Variants in ALDH1A1 observed in about 807,000 individuals in gnomAD.
ALDH1A1 encodes the protein aldehyde dehydrogenase 1 family member A1, also known as aldehyde dehydrogenase 1A1.
In ALDH1A1, 19 loss-of-function variants were observed where a neutral mutation model predicts 62.1. That is an observed-to-expected ratio of 0.31 (90% CI 0.21 to 0.45). The LOEUF (loss-of-function observed/expected upper bound fraction) is 0.45. ALDH1A1 is among the 20% of genes least tolerant of loss of function. The pLI, the probability that ALDH1A1 is intolerant of heterozygous loss-of-function variation, is 1.00. For synonymous variants in ALDH1A1, 231 were observed against 215.9 expected, an observed-to-expected ratio of 1.07 and a Z score of -0.61; for missense variants, 521 against 607.1, an observed-to-expected ratio of 0.86 and a Z score of 1.49.
chr9:72,946,863 T>C (rs1830481993), intron 1 of ALDH1A1, among the ~76,000 whole-genome samples: 1 of 152,088 alleles, frequency 6.6e-6, no homozygotes, highest in Non-Finnish European at 1.5e-5. Context: ...CTATAGATTA[T>C]CCATGCCATT....
intron 3 of ALDH1A1, 60 bp from the exon 4 acceptor site, chr9:72,929,081 AG>A: frequency 6.5e-7 from 1 of 1,549,384 alleles, no homozygotes; most frequent in South Asian, 1.2e-5. Context: ...AAAAATATGT[AG>A]TAAATATTTT....
chr9:72,951,221 AC>A (rs1389029712), intron 1 of ALDH1A1, among the ~76,000 whole-genome samples: 2 of 151,882 alleles, frequency 1.3e-5, no homozygotes, highest in African/African-American at 4.8e-5. Flanking sequence ...TTGCACAGTG[AC>A]TTCGAAGTGA....
intron 11 of ALDH1A1, among the ~76,000 whole-genome samples, chr9:72,908,559 G>GA (rs1191460937): frequency 4.1e-3 from 35 of 8,632 alleles, no homozygotes; most frequent in Middle Eastern, 0.05. Flanking sequence ...AAAGAAGAAA[G>GA]AAAGAAAGAA....
At chr9:72,915,555 G>A (rs1378343648) in intron 9 of ALDH1A1, among the ~76,000 whole-genome samples, 3 of 152,000 alleles carry the variant, frequency 2.0e-5, no homozygotes, top group African/African-American at 7.2e-5. Flanking sequence ...ATGAAAAAAA[G>A]GGCAACTACT....
intron 2 of ALDH1A1, among the ~76,000 whole-genome samples, chr9:72,934,095 A>AT (rs1830318887): frequency 6.6e-6 from 1 of 151,996 alleles, no homozygotes; most frequent in Non-Finnish European, 1.5e-5. Flanking sequence ...CGTCTGCCTA[A>AT]TTTTTTTGTA....
chr9:72,913,330 G>A (rs547396811), intron 9 of ALDH1A1, among the ~76,000 whole-genome samples: 1 of 152,062 alleles, frequency 6.6e-6, no homozygotes, highest in South Asian at 2.1e-4. Context: ...TATCCCAGAA[G>A]GAAAATATTC....
intron 1 of ALDH1A1, among the ~76,000 whole-genome samples, chr9:72,944,918 T>C (rs1052487471): frequency 1.3e-5 from 2 of 152,068 alleles, no homozygotes; most frequent in African/African-American, 2.4e-5. Flanking sequence ...ACTTTCTATA[T>C]GGGGAAGCAA....
At chr9:72,930,017 C>T (rs1195429251) in intron 3 of ALDH1A1, among the ~76,000 whole-genome samples, 1 of 152,074 alleles carries the variant, frequency 6.6e-6, no homozygotes, top group Non-Finnish European at 1.5e-5. Context: ...ATAAATGGTC[C>T]TTTGATTAAC....
At chr9:72,927,201 C>A in intron 4 of ALDH1A1, 24 bp from the exon 5 acceptor site, 1 of 1,511,946 alleles carries the variant, frequency 6.6e-7, no homozygotes, top group Non-Finnish European at 9.1e-7. Context: ...CACACACAAT[C>A]ATATATAAAC....
At chr9:72,949,774 A>G (rs186523718) in intron 1 of ALDH1A1, among the ~76,000 whole-genome samples, 44 of 151,540 alleles carry the variant, frequency 2.9e-4, no homozygotes, top group African/African-American at 1.0e-3. Flanking sequence ...AATTAAGTTA[A>G]ACATTTTGGC....
rs1483282461 is a variant in ALDH1A1, at chr9:72,930,863, C to G, written c.312+16G>C. 3 of 1,613,790 alleles carry G rather than the reference C, an allele frequency of 1.9e-6. No homozygotes were observed. The highest frequency in any genetic ancestry group is 2.5e-6 in the Non-Finnish European group (3 of 1,179,838). On this transcript the variant is annotated intron_variant, in intron 3 of 12. Coordinates refer to ENST00000297785, the MANE Select transcript of ALDH1A1 (RefSeq NM_000689.5). The stretch of plus-strand genomic sequence containing the variant: ...TTGAGAGCTCTAGCTACCCATCCAG[C>G]TTGGATAATACTCACCGCCAGCAGC...
Position 72,918,613 on chromosome 9 carries a change from CTTTTTTTTTTTTTTT to C in ALDH1A1, c.850+92_850+106del, listed in dbSNP as rs3079046. ...TACACTTTGATGTTAGAAGCAAATG[CTTTTTTTTTTTTTTT>C]TTTTTTTTTGTAAAGTTCAAGTTCA... On this transcript the variant is annotated intron_variant, in intron 8 of 12. Coordinates refer to ENST00000297785, the MANE Select transcript of ALDH1A1 (RefSeq NM_000689.5). 108 of 279,476 alleles carry C rather than the reference CTTTTTTTTTTTTTTT, an allele frequency of 3.9e-4. 9 individuals are homozygous for C. In the Middle Eastern group the frequency reaches 7.0e-3, roughly 18 times the overall value. The allele number at this position is 279,476 out of a possible 1,614,324, so 17.3% of individuals were successfully genotyped here.
intron 3 of ALDH1A1, among the ~76,000 whole-genome samples, chr9:72,930,601 G>T (rs894673266): frequency 6.6e-6 from 1 of 151,996 alleles, no homozygotes; most frequent in African/African-American, 2.4e-5. Flanking sequence ...GAAGTTTTAA[G>T]GTAAAGAAAT....
At chr9:72,915,421 T>G (rs1830049538) in intron 9 of ALDH1A1, among the ~76,000 whole-genome samples, 1 of 151,748 alleles carries the variant, frequency 6.6e-6, no homozygotes, top group African/African-American at 2.4e-5. Context: ...ATAAGAAAAG[T>G]GCTTCACTTT....
chr9:72,940,440 A>G (rs1563916561), intron 1 of ALDH1A1, among the ~76,000 whole-genome samples, 188 bp from the exon 2 acceptor site: 1 of 152,230 alleles, frequency 6.6e-6, no homozygotes, highest in Non-Finnish European at 1.5e-5. Context: ...AATGAAGTAC[A>G]TAATGCTTTT....
intron 7 of ALDH1A1, 125 bp from the exon 8 acceptor site, chr9:72,918,947 G>T: frequency 1.5e-6 from 1 of 655,216 alleles, no homozygotes; most frequent in Non-Finnish European, 2.5e-6. Flanking sequence ...ACACCAAATG[G>T]CTTTTTTTTT....
At chr9:72,915,295 T>A (rs917059187) in intron 9 of ALDH1A1, among the ~76,000 whole-genome samples, 2 of 152,184 alleles carry the variant, frequency 1.3e-5, no homozygotes, top group Non-Finnish European at 2.9e-5. Flanking sequence ...TTTGGTTGAA[T>A]TGTGAAGATG....
chr9:72,927,026 G>T (rs2303317), intron 5 of ALDH1A1, 90 bp downstream of exon 5: 441,165 of 911,920 alleles, frequency 0.48, 109,853 homozygotes, highest in Non-Finnish European at 0.51. Flanking sequence ...AAATACATAA[G>T]CATCCATCTG....
chr9:72,919,741 A>T (rs1830113952), intron 7 of ALDH1A1, among the ~76,000 whole-genome samples: 1 of 152,150 alleles, frequency 6.6e-6, no homozygotes, highest in Non-Finnish European at 1.5e-5. Flanking sequence ...CACCCAACAC[A>T]CACACCTTTG....
Sources: allele counts gnomAD v4.1 joint callset (sites outside exome capture counted in the v4.1 genomes callset), GRCh38; gene constraint gnomAD v4.1.1; transcripts MANE v1.5; gene names NCBI Gene and HGNC (gene_info 2026-07-23, HGNC 2026-07-21).